The following SLC35D4 variants were observed in gnomAD, a reference collection of about 807,000 sequenced individuals.
The protein encoded by SLC35D4 is UDP-N-acetylglucosamine transporter SLC35D4.
chr18:23,413,294 C>A, the SLC35D4 span, among the ~76,000 whole-genome samples: 1 of 152,186 alleles, frequency 6.6e-6, no homozygotes, highest in Non-Finnish European at 1.5e-5. Context: ...AACATGTAAT[C>A]TAGTTTATGC....
chr18:23,352,248 A>G, the SLC35D4 span: 1 of 1,612,520 alleles, frequency 6.2e-7, no homozygotes, highest in Non-Finnish European at 8.5e-7. Flanking sequence ...AAGGTTTTTT[A>G]GCTTCACTGT....
chr18:23,274,894 C>T, the SLC35D4 span, among the ~76,000 whole-genome samples: 2 of 152,136 alleles, frequency 1.3e-5, no homozygotes, highest in Admixed American at 1.3e-4. Flanking sequence ...CTGCGGCAGG[C>T]GTGTGAATGC....
At chr18:23,383,247 AT>A in the SLC35D4 span, among the ~76,000 whole-genome samples, 1 of 151,786 alleles carries the variant, frequency 6.6e-6, no homozygotes, top group Non-Finnish European at 1.5e-5. Context: ...TGTGGATGAG[AT>A]TTTCCAGAAA....
the SLC35D4 span, among the ~76,000 whole-genome samples, chr18:23,289,145 T>C: frequency 2.0e-5 from 3 of 152,232 alleles, no homozygotes; most frequent in African/African-American, 7.2e-5. Context: ...TACTCATACA[T>C]GTCCTGCTCT....
chr18:23,350,191 G>A, the SLC35D4 span, among the ~76,000 whole-genome samples: 509 of 152,368 alleles, frequency 3.3e-3, 5 homozygotes, highest in African/African-American at 0.012. Flanking sequence ...GAACTAAATT[G>A]TGAATGTGAA....
At chr18:23,269,599 G>A in the SLC35D4 span, among the ~76,000 whole-genome samples, 1 of 152,380 alleles carries the variant, frequency 6.6e-6, no homozygotes, top group South Asian at 2.1e-4. Flanking sequence ...GACTGGAACA[G>A]TTTGGAGGGC....
the SLC35D4 span, among the ~76,000 whole-genome samples, chr18:23,239,177 C>T: frequency 3.3e-5 from 5 of 152,324 alleles, no homozygotes; most frequent in South Asian, 2.1e-4. Flanking sequence ...TACAACTTTT[C>T]CTCCTTAGAC....
the SLC35D4 span, among the ~76,000 whole-genome samples, chr18:23,344,597 CT>C: frequency 9.3e-6 from 1 of 107,154 alleles, no homozygotes; most frequent in East Asian, 3.5e-4. Context: ...CTTTTTTTTT[CT>C]TCTTTTTTTT....
the SLC35D4 span, among the ~76,000 whole-genome samples, chr18:23,358,910 C>T: frequency 1.1e-4 from 16 of 152,116 alleles, no homozygotes; most frequent in African/African-American, 1.4e-4. Context: ...AGAGGGTGCA[C>T]GGCAACCCAG....
the SLC35D4 span, among the ~76,000 whole-genome samples, chr18:23,357,283 C>T: frequency 6.6e-6 from 1 of 152,056 alleles, no homozygotes; most frequent in Non-Finnish European, 1.5e-5. Context: ...GTTTGAGGTC[C>T]AAAGGGTACA....
the SLC35D4 span, chr18:23,310,410 C>T: frequency 5.2e-6 from 2 of 383,644 alleles, no homozygotes; most frequent in African/African-American, 2.2e-5. Flanking sequence ...CCACAGGACT[C>T]AGACCCCAGA....
chr18:23,413,723 G>A, the SLC35D4 span, among the ~76,000 whole-genome samples: 3 of 151,562 alleles, frequency 2.0e-5, no homozygotes, highest in Non-Finnish European at 2.9e-5. Context: ...TCAGGAGTTC[G>A]AGACCAGCCT....
the SLC35D4 span, among the ~76,000 whole-genome samples, chr18:23,371,681 C>A: frequency 1.3e-5 from 2 of 152,028 alleles, no homozygotes; most frequent in South Asian, 4.2e-4. Flanking sequence ...TCCAACACCC[C>A]ATGCCCCACA....
chr18:23,242,264 A>G, the SLC35D4 span, among the ~76,000 whole-genome samples: 3 of 152,160 alleles, frequency 2.0e-5, no homozygotes, highest in African/African-American at 7.2e-5. Flanking sequence ...GGTGACGAGA[A>G]TGAAACTCTG....
At chr18:23,329,889 G>C in the SLC35D4 span, among the ~76,000 whole-genome samples, 1 of 152,176 alleles carries the variant, frequency 6.6e-6, no homozygotes. Context: ...AAAAGGATGA[G>C]TTAATGTCCT....
chr18:23,391,136 G>A, the SLC35D4 span, among the ~76,000 whole-genome samples: 10 of 151,350 alleles, frequency 6.6e-5, no homozygotes, highest in Non-Finnish European at 1.0e-4. Context: ...TGATGCAGGA[G>A]AACCACTTGA....
chr18:23,253,828 G>A, the SLC35D4 span: 1 of 1,614,228 alleles, frequency 6.2e-7, no homozygotes, highest in Non-Finnish European at 8.5e-7. Context: ...TCGCCCTCAA[G>A]GGGAAACTCA....
the SLC35D4 span, chr18:23,296,652 T>C: frequency 6.6e-6 from 1 of 152,168 alleles, no homozygotes; most frequent in African/African-American, 2.4e-5. Context: ...CTGAAAAATA[T>C]ACTTCAGTGT....
At chr18:23,247,147 C>T in the SLC35D4 span, among the ~76,000 whole-genome samples, 1 of 152,260 alleles carries the variant, frequency 6.6e-6, no homozygotes, top group African/African-American at 2.4e-5. Flanking sequence ...CCCCAGCTCA[C>T]CCCCAGCACT....
Sources: gnomAD v4.1 joint callset for allele counts (sites outside exome capture counted in the v4.1 genomes callset) on GRCh38, gnomAD v4.1.1 for gene constraint, MANE v1.5 for transcripts, NCBI Gene and HGNC (gene_info 2026-07-23, HGNC 2026-07-21) for gene names.